TRAPPC13: variants seen among roughly 807,000 people sequenced by gnomAD.
TRAPPC13 encodes the protein REV7-interacting novel NHEJ regulator 1.
Under a neutral mutation model 54.0 loss-of-function variants are expected in TRAPPC13, and 39 were observed. The observed-to-expected ratio is 0.72, with a 90% CI of 0.56 to 0.94. The LOEUF is 0.94. TRAPPC13 is among the 40% of genes least tolerant of loss of function. The pLI is 0.00. For missense variants in TRAPPC13, 386 were observed against 488.1 expected, an observed-to-expected ratio of 0.79 and a Z score of 1.97; for synonymous variants, 148 against 167.7, an observed-to-expected ratio of 0.88 and a Z score of 0.91.
intron 11 of TRAPPC13, chr5:65,662,737 A>G (rs181189636): frequency 6.6e-6 from 1 of 152,266 alleles, no homozygotes; most frequent in Non-Finnish European, 1.5e-5. Context: ...GTATTTTTAT[A>G]ATATTGCAGT....
chr5:65,630,229 C>T, intron 1 of TRAPPC13: 1 of 1,535,774 alleles, frequency 6.5e-7, no homozygotes, highest in Non-Finnish European at 8.7e-7. Context: ...TATGGGTGTT[C>T]TGTGATATTA....
At chr5:65,638,306 G>T (rs997440753) in intron 4 of TRAPPC13, among the ~76,000 whole-genome samples, 2 of 152,120 alleles carry the variant, frequency 1.3e-5, no homozygotes, top group Non-Finnish European at 2.9e-5. Flanking sequence ...GTGATTGCTT[G>T]GGTGAGAAAA....
chr5:65,641,043 G>A (rs154868), intron 4 of TRAPPC13, among the ~76,000 whole-genome samples: 90,379 of 151,556 alleles, frequency 0.6, 27,290 homozygotes, highest in South Asian at 0.64. Context: ...AAGGGATCCT[G>A]CTGCCTTAGC....
chr5:65,630,544 G>A (rs1186196372), intron 1 of TRAPPC13: 33 of 1,241,744 alleles, frequency 2.7e-5, no homozygotes, highest in Non-Finnish European at 3.2e-5. Flanking sequence ...TGAATTTGAA[G>A]GTAAAAATGT....
intron 7 of TRAPPC13, among the ~76,000 whole-genome samples, chr5:65,653,645 CTG>C (rs1756553834): frequency 6.6e-6 from 1 of 152,032 alleles, no homozygotes; most frequent in African/African-American, 2.4e-5. Context: ...AGAAGGAAAA[CTG>C]GATTGGAGTC....
At chr5:65,651,652 G>GGGT (rs1554129740) in intron 6 of TRAPPC13, among the ~76,000 whole-genome samples, 1 of 149,186 alleles carries the variant, frequency 6.7e-6, no homozygotes, top group Non-Finnish European at 1.5e-5. Context: ...TATGTGGGGG[G>GGGT]GGTGGTGAGG....
At position 65,635,292 on chromosome 5, in the gene TRAPPC13, A is replaced by G; in HGVS notation, c.47-9A>G. The G allele has an allele frequency of 6.2e-7, 1 of 1,612,560 alleles. No homozygotes were observed. The highest frequency in any genetic ancestry group is 8.5e-7 in the Non-Finnish European group (1 of 1,178,938). On this transcript the variant is annotated splice_polypyrimidine_tract_variant and intron_variant, in intron 1 of 12. Coordinates refer to ENST00000399438, the MANE Select transcript of TRAPPC13 (RefSeq NM_024941.4). ...ATGTTTTGTTTTCTTTTACTTTTTT[A>G]CTTCACAGTGATGCGGCTGACTAAG...
chr5:65,647,040 T>TTA lies in TRAPPC13; in HGVS notation c.301-15_301-14insTA. ...CTCATTTGGACTTTTTTTTTTTTTT[T>TTA]AACTTTCTTTCAAGGCTGATCTTCA... On this transcript the variant is annotated splice_polypyrimidine_tract_variant and intron_variant, in intron 4 of 12. Coordinates refer to ENST00000399438, the MANE Select transcript of TRAPPC13 (RefSeq NM_024941.4). 6.6e-7 allele frequency: 1 copy of TTA among 1,520,294 alleles called. No homozygotes were observed. The highest frequency in any genetic ancestry group is 1.3e-5 in the South Asian group (1 of 78,304). 94.2% of individuals were successfully genotyped at this position (1,520,294 alleles called of 1,614,324 possible).
intron 3 of TRAPPC13, among the ~76,000 whole-genome samples, chr5:65,637,459 G>A (rs755700480): frequency 6.6e-6 from 1 of 151,594 alleles, no homozygotes; most frequent in Admixed American, 6.6e-5. Flanking sequence ...GTGAAACCCC[G>A]TCTCTACTAA....
At chr5:65,658,185 CCT>C (rs1339425433) in intron 8 of TRAPPC13, 181 bp from the exon 9 acceptor site, 3 of 495,698 alleles carry the variant, frequency 6.1e-6, no homozygotes, top group African/African-American at 4.0e-5. Context: ...TGACTTTGCC[CCT>C]GTTAATTATG....
intron 8 of TRAPPC13, among the ~76,000 whole-genome samples, chr5:65,657,042 A>C (rs938313630): frequency 5.9e-5 from 9 of 151,264 alleles, no homozygotes; most frequent in African/African-American, 2.2e-4. Flanking sequence ...TTGCCACTGC[A>C]TTCTACTCTG....
chr5:65,630,541 G>A, intron 1 of TRAPPC13: 1 of 1,254,268 alleles, frequency 8.0e-7, no homozygotes, highest in South Asian at 2.8e-5. Context: ...CACTGAATTT[G>A]AAGGTAAAAA....
At chr5:65,627,131 C>CAAAAA (rs60169195) in intron 1 of TRAPPC13, among the ~76,000 whole-genome samples, 1,476 of 32,504 alleles carry the variant, frequency 0.045, 285 homozygotes, top group African/African-American at 0.061. Flanking sequence ...GACCCTGTCT[C>CAAAAA]AAAAAAAAAA....
chr5:65,652,813 A>G (rs1756518335), intron 7 of TRAPPC13: 1 of 451,112 alleles, frequency 2.2e-6, no homozygotes, highest in Non-Finnish European at 4.0e-6. Flanking sequence ...TTGCCCTCTC[A>G]TTCCATTTAA....
Position 65,655,631 on chromosome 5 carries a change from AT to A in TRAPPC13, c.547-3del. On this transcript the variant is annotated splice_polypyrimidine_tract_variant and splice_region_variant and intron_variant, in intron 7 of 12. Transcript: ENST00000399438. ...TCTAATTATTCTTTTTTATTTTTCC[AT>A]TAGAGTGACCTCAGTTCTGTGGTAA... 1 of 816,958 alleles carries A rather than the reference AT, an allele frequency of 1.2e-6. No individual in the cohort carries two copies. Among genetic ancestry groups the A allele is most frequent in the Non-Finnish European group, 1.7e-6 (1 of 583,016 alleles). 50.6% of individuals were successfully genotyped at this position (816,958 alleles called of 1,614,324 possible).
At chr5:65,628,591 C>CTGGG (rs1755361159) in intron 1 of TRAPPC13, among the ~76,000 whole-genome samples, 3 of 151,854 alleles carry the variant, frequency 2.0e-5, no homozygotes, top group Non-Finnish European at 2.9e-5. Context: ...CCTCCCTCAG[C>CTGGG]CTCCTGAGTA....
At chr5:65,628,461 A>ATT (rs753065631) in intron 1 of TRAPPC13, among the ~76,000 whole-genome samples, 10 of 143,528 alleles carry the variant, frequency 7.0e-5, no homozygotes, top group Admixed American at 1.4e-4. Flanking sequence ...AATCCATATA[A>ATT]TTTTTTTTTT....
chr5:65,662,414 C>T (rs1283915759), intron 11 of TRAPPC13: 1 of 256,936 alleles, frequency 3.9e-6, no homozygotes, highest in Non-Finnish European at 7.3e-6. Flanking sequence ...TTTATACTTC[C>T]TTCACCAAAA....
chr5:65,647,625 A>C (rs1756261397), intron 5 of TRAPPC13, among the ~76,000 whole-genome samples: 6 of 152,082 alleles, frequency 3.9e-5, no homozygotes. Context: ...AAAAAAAATC[A>C]AATTCTGTAT....
Sources: gnomAD v4.1 joint callset for allele counts (sites outside exome capture counted in the v4.1 genomes callset) on GRCh38, gnomAD v4.1.1 for gene constraint, MANE v1.5 for transcripts, NCBI Gene and HGNC (gene_info 2026-07-23, HGNC 2026-07-21) for gene names.